DSP: variants seen among roughly 807,000 people sequenced by gnomAD.
DSP encodes the protein desmoplakin.
DSP carries 114 observed loss-of-function variants against 290.6 expected under a neutral mutation model. The ratio of observed to expected loss-of-function variants is 0.39; its 90% CI spans 0.34 to 0.46. The LOEUF is 0.46. DSP is among the 20% of genes least tolerant of loss of function. The pLI, the probability that DSP is intolerant of heterozygous loss-of-function variation, is 0.99. For synonymous variants in DSP, 1,311 were observed against 1,316.4 expected (o/e 1.00, Z 0.09); for missense variants, 3,230 against 3,495.8 (o/e 0.92, Z 1.92).
chr6:7,542,222 C>T, intron 1 of DSP, 137 bp downstream of exon 1: 2 of 1,227,422 alleles, frequency 1.6e-6, no homozygotes, highest in Non-Finnish European at 2.3e-6. Flanking sequence ...AACTTCCCGG[C>T]CGCGCTGGGA....
intron 1 of DSP, among the ~76,000 whole-genome samples, chr6:7,546,046 C>G (rs995478030): frequency 6.6e-6 from 1 of 152,122 alleles, no homozygotes; most frequent in African/African-American, 2.4e-5. Context: ...AAAGTCTCCT[C>G]CATTGGAGGA....
At chr6:7,569,141 C>A in intron 11 of DSP, 45 bp from the exon 12 acceptor site, 1 of 1,613,188 alleles carries the variant, frequency 6.2e-7, no homozygotes, top group Non-Finnish European at 8.5e-7. Flanking sequence ...AATAAAAACA[C>A]ATACTTATGA....
Position 7,567,916 on chromosome 6 carries a change from C to A in DSP, c.1266+10C>A. On this transcript the variant is annotated intron_variant, in intron 10 of 23. Coordinates refer to ENST00000379802, the MANE Select transcript of DSP (RefSeq NM_004415.4). ...GATCAAGGAGCTGGAGGTATCGTCT[C>A]AGACCCAGAACCTCAGCAGCTGTGC... 1 of 1,613,190 alleles carries A rather than the reference C, an allele frequency of 6.2e-7. No individual in the cohort carries two copies. Among genetic ancestry groups the A allele is most frequent in the South Asian group, 1.1e-5 (1 of 90,984 alleles).
chr6:7,580,678 C>T lies in DSP; in HGVS notation c.4488C>T (p.Asp1496=). Residue 1496 remains aspartate (D), a synonymous_variant, in exon 23 of 24, where the codon GAC becomes GAT. Transcript: ENST00000379802. The surrounding 1 kb of genome is among the most constrained non-coding windows in gnomAD (Gnocchi z 4.2). ...AACTGATCGACAAAGAAACAAATGA[C>T]CGGAAATGCCTGGAAGATGAAAACG... The part of the protein sequence containing the change: ...LKQLIDKETN[D]RKCLEDENAR... 6.2e-7 allele frequency: 1 copy of T among 1,614,032 alleles called. No homozygotes were observed.
Position 7,581,510 on chromosome 6 carries a change from C to CAG in DSP, c.5329_5330dup (p.Glu1778GlyfsTer4), listed in dbSNP as rs1394836623. ...ACTGCAGGGGCTGATTAATGATTTA[C>CAG]AGAGAGAGAGGGAAAATTTGAGACA... On this transcript the variant is annotated frameshift_variant, in exon 23 of 24. Transcript: ENST00000379802. LOFTEE classifies it high-confidence loss of function. 1.2e-6 allele frequency: 2 copies of CAG among 1,614,034 alleles called. No individual in the cohort carries two copies. Among genetic ancestry groups the CAG allele is most frequent in the Non-Finnish European group, 1.7e-6 (2 of 1,180,014 alleles).
At chr6:7,577,440 C>T (rs543266494) in intron 20 of DSP, among the ~76,000 whole-genome samples, 15 of 152,158 alleles carry the variant, frequency 9.9e-5, no homozygotes, top group Middle Eastern at 6.8e-3. Context: ...GTGATTCTCC[C>T]GCCTCAGCTT....
rs898456080 is a variant in DSP at position 7,556,553 on chromosome 6, G to C, written c.273+733G>C. Among the ~76,000 whole-genome samples the C allele has an allele frequency of 9.9e-5, 15 of 152,168 alleles. 1 individual carries two copies. On this transcript the variant is annotated intron_variant, in intron 2 of 23. Transcript: ENST00000379802. Reference sequence around the variant, plus strand: ...GCGAAGTCTCCCTAATGCCGACACTGGTATCAAGGTTACATCTGGCATCTG... The same window carrying C: ...GCGAAGTCTCCCTAATGCCGACACTCGTATCAAGGTTACATCTGGCATCTG...
rs184932817 is a variant in DSP at position 7,564,155 on chromosome 6, A to G, written c.777+369A>G. Among the ~76,000 whole-genome samples the G allele has an allele frequency of 5.7e-3, 867 of 152,356 alleles. 27 individuals carry two copies. Among genetic ancestry groups the G allele is most frequent in the Admixed American group, 0.053 (811 of 15,300 alleles). Reference sequence around the variant, plus strand: ...CTGTTCTGTTTTCAAGTTGTGTCACATAAATGGCACTTGTTAAGTACTTGC... The same window carrying G: ...CTGTTCTGTTTTCAAGTTGTGTCACGTAAATGGCACTTGTTAAGTACTTGC... On this transcript the variant is annotated intron_variant, in intron 6 of 23. Coordinates refer to ENST00000379802, the MANE Select transcript of DSP (RefSeq NM_004415.4).
intron 1 of DSP, among the ~76,000 whole-genome samples, chr6:7,554,786 A>T (rs1453629723): frequency 6.6e-6 from 1 of 152,154 alleles, no homozygotes; most frequent in African/African-American, 2.4e-5. Context: ...CTAGAGCTAC[A>T]GGCATGCATC....
In DSP at chr6:7,582,719, C is replaced by A; in HGVS notation, c.5457C>A (p.Ile1819=). The change falls in exon 24 of 24, where the codon ATC becomes ATA. Residue 1819 remains isoleucine (I), a synonymous_variant. Transcript: ENST00000379802. This position sits in a 1 kb window ranked among gnomAD's most constrained non-coding sequence, Gnocchi z 4.2. ...AAAGAGAGAGCCTTCTGGTGAAAATCAAAGTCCTGGAGCAAGACAAGGCAA... is the reference window on the plus strand; with the variant it reads ...AAAGAGAGAGCCTTCTGGTGAAAATAAAAGTCCTGGAGCAAGACAAGGCAA... The part of the protein sequence containing the change: ...VQERESLLVK[I]KVLEQDKARL... 6.2e-7 allele frequency: 1 copy of A among 1,613,412 alleles called. No individual in the cohort carries two copies. Among genetic ancestry groups the A allele is most frequent in the South Asian group, 1.1e-5 (1 of 91,000 alleles).
At chr6:7,555,648 C>A in intron 1 of DSP, 70 bp from the exon 2 acceptor site, 1 of 1,481,192 alleles carries the variant, frequency 6.8e-7, no homozygotes, top group Non-Finnish European at 9.4e-7. Flanking sequence ...GCAACTTTTG[C>A]AAGTTTGAAA....
intron 13 of DSP, 119 bp from the exon 14 acceptor site, chr6:7,571,264 G>A (rs1759041450): frequency 1.1e-6 from 1 of 925,134 alleles, no homozygotes; most frequent in Non-Finnish European, 1.8e-6. Flanking sequence ...ATCTTAATGA[G>A]CCTGTGATGA....
intron 2 of DSP, among the ~76,000 whole-genome samples, chr6:7,556,513 C>T (rs1448363594): frequency 6.6e-6 from 1 of 152,182 alleles, no homozygotes; most frequent in African/African-American, 2.4e-5. Flanking sequence ...TTTCCTGAGT[C>T]ACTGAATCTT....
intron 1 of DSP, among the ~76,000 whole-genome samples, chr6:7,546,985 A>G (rs985309208): frequency 3.3e-5 from 5 of 152,246 alleles, no homozygotes; most frequent in African/African-American, 9.6e-5. Flanking sequence ...CTTAGGGTGG[A>G]GCAAAGGAGG....
chr6:7,554,689 G>A (rs568408760), intron 1 of DSP, among the ~76,000 whole-genome samples: 1 of 152,246 alleles, frequency 6.6e-6, no homozygotes, highest in South Asian at 2.1e-4. Flanking sequence ...CTGTCACCGA[G>A]GCAAGAGTGC....
chr6:7,584,399 C>T lies in DSP; in HGVS notation c.7137C>T (p.Asp2379=). Residue 2379 remains aspartate (D), a synonymous_variant, in exon 24 of 24, where the codon GAC becomes GAT. Transcript: ENST00000379802. The surrounding 1 kb of genome is among the most constrained non-coding windows in gnomAD (Gnocchi z 6.4). ...AGATCGCAACCGGGGGGATCATTGA[C>T]CCAAAGGAGAGCCATCGTTTACCAG... The part of the protein sequence containing the change: ...EAQIATGGII[D]PKESHRLPVD... 1 of 1,614,096 alleles carries T rather than the reference C, an allele frequency of 6.2e-7. No individual in the cohort carries two copies. Among genetic ancestry groups the T allele is most frequent in the South Asian group, 1.1e-5 (1 of 91,080 alleles).
In DSP at chr6:7,580,432, C is replaced by T. The variant is rs375941706; in HGVS notation, c.4242C>T (p.Asn1414=). ...SLSEEIKRLK[N]TLTQTTENLR... ...CTGAAGAAATAAAGAGGCTGAAGAA[C>T]ACTCTAACCCAGACCACAGAGAATC... Residue 1414 remains asparagine, a synonymous_variant, in exon 23 of 24, where the codon AAC becomes AAT. Coordinates refer to ENST00000379802, the MANE Select transcript of DSP (RefSeq NM_004415.4). The surrounding 1 kb of genome is among the most constrained non-coding windows in gnomAD (Gnocchi z 4.2). 3.1e-6 allele frequency: 5 copies of T among 1,613,860 alleles called. No individual in the cohort carries two copies. The Admixed American group carries it at 5.0e-5, about 16-fold the overall frequency.
rs775308893 is a variant in DSP at position 7,568,446 on chromosome 6, G to A, written c.1276G>A (p.Glu426Lys). 2 of 1,614,088 alleles carry A rather than the reference G, an allele frequency of 1.2e-6. No homozygotes were observed. The highest frequency in any genetic ancestry group is 3.3e-5 in the Admixed American group (2 of 60,026). Residue 426 changes from glutamate to lysine, a missense_variant, in exon 11 of 24, where the codon GAG (glutamate) becomes AAG (lysine). Glu to Lys is a moderately conservative substitution (Grantham distance 56, BLOSUM62 1). This residue lies in a region of DSP where 646 missense variants were observed against 684.3 expected (regional missense o/e 0.94). Coordinates refer to ENST00000379802, the MANE Select transcript of DSP (RefSeq NM_004415.4). ...EQIKELEKEREKILEYKRQVQ... is the reference protein window; with the variant it reads ...EQIKELEKERKKILEYKRQVQ... ...TTATTCACCATTGCAGAAAGAACGA[G>A]AGAAAATCCTTGAATACAAGCGTCA...
chr6:7,569,048 T>G, intron 11 of DSP, 138 bp from the exon 12 acceptor site: 1 of 1,133,470 alleles, frequency 8.8e-7, no homozygotes, highest in East Asian at 2.5e-5. Flanking sequence ...GGTTGTATGA[T>G]GATCAGCTTC....
Sources: gnomAD v4.1 joint callset for allele counts (sites outside exome capture counted in the v4.1 genomes callset) on GRCh38, gnomAD v4.1.1 for gene constraint, gnomAD v4.1.1 regional missense constraint, Gnocchi (gnomAD v3.1) non-coding constraint, MANE v1.5 for transcripts, NCBI Gene and HGNC (gene_info 2026-07-23, HGNC 2026-07-21) for gene names.